Variants in SCYL2 observed in about 807,000 individuals in gnomAD.
SCYL2 encodes SCY1-like protein 2.
A neutral mutation model predicts 100.4 loss-of-function variants in SCYL2; 36 were observed. The observed-to-expected ratio is 0.36, with a 90% CI of 0.27 to 0.47. The LOEUF (loss-of-function observed/expected upper bound fraction) is 0.47, where lower values mean the gene tolerates loss of function less well. Among genes scored for constraint, SCYL2 ranks in the 20% least tolerant of loss-of-function variants. The pLI, the probability that SCYL2 is intolerant of heterozygous loss-of-function variation, is 1.00. For synonymous variants in SCYL2, 330 were observed against 359.2 expected, an observed-to-expected ratio of 0.92 and a Z score of 0.92; for missense variants, 902 against 1,083.9, an observed-to-expected ratio of 0.83 and a Z score of 2.36.
intron 13 of SCYL2, among the ~76,000 whole-genome samples, chr12:100,330,399 C>G (rs1952194434): frequency 6.6e-6 from 1 of 152,194 alleles, no homozygotes; most frequent in Non-Finnish European, 1.5e-5. Flanking sequence ...GTGACTGATT[C>G]TTCCTGAAGA....
chr12:100,322,096 G>A lies in SCYL2; in HGVS notation c.1396-1429G>A, dbSNP rs191955339. 1.6e-3 allele frequency among the ~76,000 whole-genome samples: 247 copies of A among 150,732 alleles called. 2 individuals are homozygous for A. The highest frequency in any genetic ancestry group is 5.9e-3 in the African/African-American group (242 of 41,304). On this transcript the variant is annotated intron_variant, in intron 10 of 17. Transcript: ENST00000360820. ...CCCAAGAAAACTAAAAAAAGGGCCG[G>A]GCGCGGTGGCTCACGCCTGTAATCC...
chr12:100,275,119 T>A (rs544440182), intron 1 of SCYL2, among the ~76,000 whole-genome samples: 1 of 152,224 alleles, frequency 6.6e-6, no homozygotes, highest in Non-Finnish European at 1.5e-5. Context: ...CTTGTTAAAT[T>A]TATTCATAGG....
intron 4 of SCYL2, among the ~76,000 whole-genome samples, chr12:100,303,897 G>T (rs1435560736): frequency 6.6e-6 from 1 of 152,186 alleles, no homozygotes; most frequent in Admixed American, 6.5e-5. Flanking sequence ...TCAGGGAAAT[G>T]GGAGTTTTAT....
intron 10 of SCYL2, among the ~76,000 whole-genome samples, chr12:100,322,360 G>A (rs1487178960): frequency 7.7e-4 from 91 of 117,632 alleles, no homozygotes; most frequent in Middle Eastern, 8.8e-3. Flanking sequence ...GCGACAGAGC[G>A]AGACTCCGTC....
At position 100,298,893 on chromosome 12, in the gene SCYL2, A is replaced by G. The variant is rs547275566; in HGVS notation, c.480+718A>G. ...CACCACGCCTGGCTAGCCTTTTCAT[A>G]TATGCTCATTTTTTCAGATTTTCCT... is the stretch of plus-strand genomic sequence containing the variant. On this transcript the variant is annotated intron_variant, in intron 4 of 17. Transcript: ENST00000360820. 8.5e-5 allele frequency among the ~76,000 whole-genome samples: 13 copies of G among 152,176 alleles called. No individual in the cohort carries two copies. The South Asian group carries it at 2.7e-3, about 32-fold the overall frequency.
At chr12:100,313,962 C>T (rs1219476879) in intron 7 of SCYL2, among the ~76,000 whole-genome samples, 7 of 151,116 alleles carry the variant, frequency 4.6e-5, no homozygotes, top group Admixed American at 2.6e-4. Flanking sequence ...CTCAATGCAA[C>T]CTCCACCTCC....
At chr12:100,310,695 G>C (rs76381773) in intron 4 of SCYL2, among the ~76,000 whole-genome samples, 2,573 of 152,284 alleles carry the variant, frequency 0.017, 73 homozygotes, top group African/African-American at 0.058. Context: ...AATATTCACT[G>C]TCTGCAACTC....
At chr12:100,300,442 C>T (rs1008037741) in intron 4 of SCYL2, among the ~76,000 whole-genome samples, 2 of 151,996 alleles carry the variant, frequency 1.3e-5, no homozygotes, top group African/African-American at 4.8e-5. Context: ...ATAATTGCAT[C>T]ATGGAAAATG....
intron 13 of SCYL2, among the ~76,000 whole-genome samples, chr12:100,330,176 T>C (rs1236153642): frequency 6.6e-6 from 1 of 152,134 alleles, no homozygotes; most frequent in East Asian, 1.9e-4. Context: ...ATAATTCAAT[T>C]TGATTGGCAG....
intron 2 of SCYL2, among the ~76,000 whole-genome samples, chr12:100,290,462 A>C (rs1314137071): frequency 1.3e-5 from 2 of 152,210 alleles, no homozygotes; most frequent in Non-Finnish European, 2.9e-5. Context: ...TGAGAAATTT[A>C]TTGGATTGGA....
chr12:100,310,739 G>A (rs939499156), intron 4 of SCYL2, among the ~76,000 whole-genome samples: 4 of 152,126 alleles, frequency 2.6e-5, no homozygotes, highest in African/African-American at 7.2e-5. Context: ...TTCAAACTCA[G>A]GAACTGAATA....
At chr12:100,320,415 C>T (rs772167455) in intron 10 of SCYL2, among the ~76,000 whole-genome samples, 6 of 152,028 alleles carry the variant, frequency 3.9e-5, no homozygotes, top group South Asian at 2.1e-4. Flanking sequence ...GGTGTGGTGG[C>T]GGGTACCTGT....
intron 12 of SCYL2, among the ~76,000 whole-genome samples, chr12:100,328,578 CA>C (rs1283427420): frequency 6.6e-6 from 1 of 152,028 alleles, no homozygotes; most frequent in African/African-American, 2.4e-5. Flanking sequence ...GGATTATATA[CA>C]AAACACTTAG....
chr12:100,301,389 CTGA>C (rs1476355620), intron 4 of SCYL2, among the ~76,000 whole-genome samples: 2 of 151,872 alleles, frequency 1.3e-5, no homozygotes, highest in African/African-American at 4.8e-5. Flanking sequence ...CTTATATATT[CTGA>C]TTATTAATCC....
rs1421790220 is a variant in SCYL2 at position 100,298,093 on chromosome 12, G to T, written c.398G>T (p.Trp133Leu). The T allele has an allele frequency of 6.2e-7, 1 of 1,610,632 alleles. No homozygotes were observed. The highest frequency in any genetic ancestry group is 1.1e-5 in the South Asian group (1 of 90,616). The stretch of plus-strand genomic sequence containing the variant: ...AGTTTAGCCAATGTTCTTGGTAACT[G>T]GGAAAATCTACCTTCCCCTATATCT... ...FASLANVLGNWENLPSPISPD... is the reference protein window; with the variant it reads ...FASLANVLGNLENLPSPISPD... Residue 133 changes from tryptophan to leucine, a missense_variant, in exon 4 of 18, where the codon TGG becomes TTG. Trp to Leu is a moderately conservative substitution (Grantham distance 61). Transcript: ENST00000360820.
At chr12:100,294,385 G>T (rs1331323045) in intron 3 of SCYL2, among the ~76,000 whole-genome samples, 1 of 113,088 alleles carries the variant, frequency 8.8e-6, no homozygotes, top group Non-Finnish European at 1.9e-5. Flanking sequence ...GCGGGGGGCT[G>T]ACCCCCCCAC....
intron 1 of SCYL2, among the ~76,000 whole-genome samples, chr12:100,276,951 T>C (rs2096293127): frequency 6.6e-6 from 1 of 152,118 alleles, no homozygotes; most frequent in Non-Finnish European, 1.5e-5. Flanking sequence ...TCATTTTCAT[T>C]CTCTTCAAAA....
intron 10 of SCYL2, among the ~76,000 whole-genome samples, chr12:100,323,209 T>C (rs1229359832): frequency 1.3e-5 from 2 of 152,164 alleles, no homozygotes; most frequent in East Asian, 3.8e-4. Context: ...GTGTTGTTAT[T>C]TAAAGATAAA....
chr12:100,289,786 T>A (rs2096308492), intron 2 of SCYL2, among the ~76,000 whole-genome samples: 1 of 152,232 alleles, frequency 6.6e-6, no homozygotes, highest in East Asian at 1.9e-4. Context: ...TGTTATATTC[T>A]TATGCTGCAT....
Sources: gnomAD v4.1 joint callset for allele counts (sites outside exome capture counted in the v4.1 genomes callset) on GRCh38, gnomAD v4.1.1 for gene constraint, MANE v1.5 for transcripts, NCBI Gene and HGNC (gene_info 2026-07-23, HGNC 2026-07-21) for gene names.